The following SEMA6B variants were observed in gnomAD, a reference collection of about 807,000 sequenced individuals.
The protein encoded by SEMA6B is semaphorin 6B, also known as semaphorin-6B.
SEMA6B carries 47 observed loss-of-function variants against 78.6 expected under a neutral mutation model. The ratio of observed to expected loss-of-function variants is 0.60; its 90% CI spans 0.47 to 0.76. The LOEUF is 0.76. Among genes scored for constraint, SEMA6B ranks in the 30% least tolerant of loss-of-function variants. The pLI is 0.00. For missense variants in SEMA6B, 1,213 were observed against 1,269.9 expected, an observed-to-expected ratio of 0.96 and a Z score of 0.68; for synonymous variants, 632 against 592.2, an observed-to-expected ratio of 1.07 and a Z score of -0.98.
intron 5 of SEMA6B, 89 bp downstream of exon 5, chr19:4,556,862 G>A (rs1221261173): frequency 3.2e-6 from 4 of 1,242,826 alleles, no homozygotes. Flanking sequence ...GGGCTGGCGG[G>A]GTGGGCGTGG....
intron 3 of SEMA6B, 136 bp downstream of exon 3, chr19:4,557,890 C>T: frequency 1.3e-6 from 1 of 772,472 alleles, no homozygotes; most frequent in Non-Finnish European, 1.8e-6. Context: ...TCCTCCGGGT[C>T]AAAGCCTAAG....
In SEMA6B at chr19:4,550,950, G is replaced by A. The variant is rs754150074; in HGVS notation, c.990-20C>T. 1 of 1,612,938 alleles carries A rather than the reference G, an allele frequency of 6.2e-7. No homozygotes were observed. Among genetic ancestry groups the A allele is most frequent in the Non-Finnish European group, 8.5e-7 (1 of 1,179,628 alleles). On this transcript the variant is annotated intron_variant, in intron 10 of 16. Coordinates refer to ENST00000586582, the MANE Select transcript of SEMA6B (RefSeq NM_032108.4). This position sits in a 1 kb window ranked among gnomAD's most constrained non-coding sequence, Gnocchi z 6.6. Reference sequence around the variant, plus strand: ...GGGATGCTGAGGGGTTGGGATGAAAGAGTTTGGTGAGCCCGGTGGGAGGCC... The same window carrying A: ...GGGATGCTGAGGGGTTGGGATGAAAAAGTTTGGTGAGCCCGGTGGGAGGCC...
At position 4,543,592 on chromosome 19, in the gene SEMA6B, G is replaced by C; in HGVS notation, c.*9C>G. On this transcript the variant is annotated 3_prime_UTR_variant, in exon 17 of 17. Transcript: ENST00000586582. ...GCTGGCACTGCCAAGGCATCGGGGG[G>C]CCCCCGGCCTAGGGCACGGGGGGCG... 8.2e-7 allele frequency: 1 copy of C among 1,217,202 alleles called. No individual in the cohort carries two copies. Among genetic ancestry groups the C allele is most frequent in the Non-Finnish European group, 1.0e-6 (1 of 971,442 alleles). 75.4% of individuals were successfully genotyped at this position (1,217,202 alleles called of 1,614,324 possible).
chr19:4,542,903 G>A lies in SEMA6B; in HGVS notation c.*698C>T, dbSNP rs1406389675. ...CATTGTCCCCGCTTCCCTCTGCAGA[G>A]TGGGGGGGGTTCAAACTCCTAACCG... On this transcript the variant is annotated 3_prime_UTR_variant, in exon 17 of 17. Transcript: ENST00000586582. 3 of 698,794 alleles carry A rather than the reference G, an allele frequency of 4.3e-6. No individual in the cohort carries two copies. The Admixed American group carries it at 6.0e-5, about 14-fold the overall frequency. 43.3% of individuals were successfully genotyped at this position (698,794 alleles called of 1,614,324 possible). A position where few individuals can be genotyped will look rare whatever the true frequency, so the allele number is the denominator to read the frequency against.
At position 4,544,629 on chromosome 19, in the gene SEMA6B, AT is replaced by A. The variant is rs932717434; in HGVS notation, c.1739-101del. 48 of 606,890 alleles carry A rather than the reference AT, an allele frequency of 7.9e-5. No homozygotes were observed. Among genetic ancestry groups the A allele is most frequent in the Non-Finnish European group, 1.1e-4 (46 of 414,066 alleles). The allele number at this position is 606,890 out of a possible 1,614,324, so 37.6% of individuals were successfully genotyped here. A position where few individuals can be genotyped will look rare whatever the true frequency, so the allele number is the denominator to read the frequency against. ...CTCTGTCCTCTTTTTTATTATTTTT[AT>A]TTTTTTTTATTTATTTATTTTTTGA... is the stretch of plus-strand genomic sequence containing the variant. On this transcript the variant is annotated intron_variant, in intron 16 of 16. Coordinates refer to ENST00000586582, the MANE Select transcript of SEMA6B (RefSeq NM_032108.4). The surrounding 1 kb of genome is among the most constrained non-coding windows in gnomAD (Gnocchi z 5.1).
At chr19:4,553,492 ATGGG>A (rs1249076968) in intron 9 of SEMA6B, among the ~76,000 whole-genome samples, 15 of 145,606 alleles carry the variant, frequency 1.0e-4, no homozygotes, top group Non-Finnish European at 2.1e-4. Context: ...GGATGGATGG[ATGGG>A]TGTGTGGGTG....
In SEMA6B at chr19:4,548,294, G is replaced by A. The variant is rs1459721626; in HGVS notation, c.1423C>T (p.Leu475=). 1.2e-6 allele frequency: 2 copies of A among 1,613,680 alleles called. No individual in the cohort carries two copies. Among genetic ancestry groups the A allele is most frequent in the South Asian group, 2.2e-5 (2 of 91,080 alleles). The part of the protein sequence containing the change: ...TSGTSGLSVF[L]EEFETYRPDR... ...GGCCGGTAGGTCTCAAACTCCTCCA[G>A]GAAGACACTGAGCCCAGACGTCCCT... Residue 475 remains leucine, a synonymous_variant, in exon 13 of 17, where the codon CTG becomes TTG. Coordinates refer to ENST00000586582, the MANE Select transcript of SEMA6B (RefSeq NM_032108.4).
At position 4,543,234 on chromosome 19, in the gene SEMA6B, G is replaced by A. The variant is rs1027863843; in HGVS notation, c.*367C>T. On this transcript the variant is annotated 3_prime_UTR_variant, in exon 17 of 17. Transcript: ENST00000586582. ...CAGCTGTGGCCCCCCATTCCCCACC[G>A]GCGTCCAAGCCTCCCCTGCCTGCCG... 5.6e-6 allele frequency: 3 copies of A among 538,072 alleles called. No individual in the cohort carries two copies. The highest frequency in any genetic ancestry group is 3.0e-5 in the East Asian group (1 of 33,140). 33.3% of individuals were successfully genotyped at this position (538,072 alleles called of 1,614,324 possible).
In SEMA6B at chr19:4,544,458, C is replaced by T; in HGVS notation, c.1810G>A (p.Val604Met). 3 of 1,600,066 alleles carry T rather than the reference C, an allele frequency of 1.9e-6. No homozygotes were observed. Among genetic ancestry groups the T allele is most frequent in the Non-Finnish European group, 1.7e-6 (2 of 1,174,212 alleles). The change falls in exon 17 of 17, where the codon GTG becomes ATG. Residue 604 changes from valine to methionine, a missense_variant. Val to Met is a conservative substitution (Grantham distance 21, BLOSUM62 1). Coordinates refer to ENST00000586582, the MANE Select transcript of SEMA6B (RefSeq NM_032108.4). This position sits in a 1 kb window ranked among gnomAD's most constrained non-coding sequence, Gnocchi z 5.1. ...ACGGCTCCCACCACGAAGGCCGCCA[C>T]CGACGACGTTACCAGCAGGTTCACC... ...VSVNLLVTSS[V>M]AAFVVGAVVS...
intron 10 of SEMA6B, among the ~76,000 whole-genome samples, chr19:4,551,220 CTT>C (rs550058306): frequency 3.8e-4 from 50 of 132,836 alleles, no homozygotes; most frequent in Admixed American, 4.6e-4. Context: ...CCCCAGCAGG[CTT>C]TTTTTTTTTT....
chr19:4,555,787 C>T lies in SEMA6B; in HGVS notation c.471+201G>A, dbSNP rs559910945. Among the ~76,000 whole-genome samples the T allele has an allele frequency of 7.3e-4, 111 of 152,294 alleles. No homozygotes were observed. Among genetic ancestry groups the T allele is most frequent in the African/African-American group, 2.5e-3 (104 of 41,558 alleles). On this transcript the variant is annotated intron_variant, in intron 6 of 16. Transcript: ENST00000586582. This position sits in a 1 kb window ranked among gnomAD's most constrained non-coding sequence, Gnocchi z 6.1. ...AACTGGCTCATTACCTAAGTAGCTA[C>T]GGCTTCCCCGGCCCCCTGTACAGGC...
chr19:4,546,022 T>G (rs1052788526), intron 16 of SEMA6B, 194 bp downstream of exon 16: 1 of 497,934 alleles, frequency 2.0e-6, no homozygotes, highest in Non-Finnish European at 3.6e-6. Flanking sequence ...CCACCCACCT[T>G]GGCCTCCCAA....
At position 4,548,342 on chromosome 19, in the gene SEMA6B, C is replaced by G. The variant is rs781296690; in HGVS notation, c.1375G>C (p.Val459Leu). The change falls in exon 13 of 17, where the codon GTC (valine) becomes CTC (leucine). Residue 459 changes from valine (V) to leucine (L), a missense_variant. Val to Leu is a conservative substitution (Grantham distance 32). Transcript: ENST00000586582. ...SEAGTVLKFL[V>L]RPNASTSGTS... ...CCTGAGGTGCTGGCATTGGGCCGGACGAGGAACTTGAGGACCGTCCCCGCC... is the reference window on the plus strand; with the variant it reads ...CCTGAGGTGCTGGCATTGGGCCGGAGGAGGAACTTGAGGACCGTCCCCGCC... 1.9e-6 allele frequency: 3 copies of G among 1,613,758 alleles called. No individual in the cohort carries two copies. Among genetic ancestry groups the G allele is most frequent in the African/African-American group, 1.3e-5 (1 of 74,914 alleles).
rs775822320 is a variant in SEMA6B at position 4,550,142 on chromosome 19, T to C, written c.1252A>G (p.Ile418Val). ...ACCGACCTCATCAGGGTCCGCAGGA[T>C]CCAGGGCGCATGGCCCAGCGAGGGC... ...AVPSLGHAPW[I>V]LRTLMRHQLT... The change falls in exon 12 of 17, where the codon ATC (isoleucine) becomes GTC (valine). Residue 418 changes from isoleucine (I) to valine (V), a missense_variant. Physicochemically the swap from Ile to Val is conservative, Grantham distance 29. Transcript: ENST00000586582. The surrounding 1 kb of genome is among the most constrained non-coding windows in gnomAD (Gnocchi z 6.6). The C allele has an allele frequency of 1.2e-6, 2 of 1,613,716 alleles. No individual in the cohort carries two copies. The highest frequency in any genetic ancestry group is 2.2e-5 in the South Asian group (2 of 91,080).
In SEMA6B at chr19:4,544,048, G is replaced by A; in HGVS notation, c.2220C>T (p.Pro740=). The A allele has an allele frequency of 8.2e-7, 1 of 1,223,748 alleles. No homozygotes were observed. The allele number at this position is 1,223,748 out of a possible 1,614,324, so 75.8% of individuals were successfully genotyped here. The change falls in exon 17 of 17, where the codon CCC becomes CCT. Residue 740 remains proline (P), a synonymous_variant. Coordinates refer to ENST00000586582, the MANE Select transcript of SEMA6B (RefSeq NM_032108.4). The surrounding 1 kb of genome is among the most constrained non-coding windows in gnomAD (Gnocchi z 5.1). ...LGPRAWDHGH[P]LLPASASSSL... is the part of the protein sequence containing the mutation. ...AGGATGAAGCGGAGGCCGGGAGCAG[G>A]GGGTGGCCGTGGTCCCAGGCGCGGG...
At position 4,546,401 on chromosome 19, in the gene SEMA6B, G is replaced by T; in HGVS notation, c.1670C>A (p.Pro557Gln). ...APDGSCIFLS[P>Q]GTRAAFEQDV... ...CCCTCTCCCGCAGTACCTGGTGCCCGGGCTGAGGAAGATGCAGGAGCCGTC... is the reference window on the plus strand; with the variant it reads ...CCCTCTCCCGCAGTACCTGGTGCCCTGGCTGAGGAAGATGCAGGAGCCGTC... The change falls in exon 15 of 17, where the codon CCG becomes CAG. Residue 557 changes from proline to glutamine, a missense_variant. By Grantham distance (76) the Pro-to-Gln change is moderately conservative (BLOSUM62 -1). Coordinates refer to ENST00000586582, the MANE Select transcript of SEMA6B (RefSeq NM_032108.4). 1 of 1,584,200 alleles carries T rather than the reference G, an allele frequency of 6.3e-7. No homozygotes were observed. Among genetic ancestry groups the T allele is most frequent in the Admixed American group, 1.8e-5 (1 of 56,176 alleles).
At chr19:4,549,073 G>A (rs1977248213) in intron 12 of SEMA6B, among the ~76,000 whole-genome samples, 1 of 152,048 alleles carries the variant, frequency 6.6e-6, no homozygotes, top group Non-Finnish European at 1.5e-5. Flanking sequence ...TGATCCTCCC[G>A]TCTTAGCCTC....
chr19:4,555,596 C>A lies in SEMA6B; in HGVS notation c.472-32G>T. ...GGACCATGGGGCCTGAGTGACAGAT[C>A]TCCTGACCCCACCTAGCAGCCCCTG... On this transcript the variant is annotated intron_variant, in intron 6 of 16. Coordinates refer to ENST00000586582, the MANE Select transcript of SEMA6B (RefSeq NM_032108.4). This position sits in a 1 kb window ranked among gnomAD's most constrained non-coding sequence, Gnocchi z 6.1. 1 of 1,571,752 alleles carries A rather than the reference C, an allele frequency of 6.4e-7. No individual in the cohort carries two copies. Among genetic ancestry groups the A allele is most frequent in the Non-Finnish European group, 8.7e-7 (1 of 1,145,736 alleles).
At chr19:4,551,070 T>A (rs1977319241) in intron 10 of SEMA6B, 140 bp from the exon 11 acceptor site, 1 of 939,408 alleles carries the variant, frequency 1.1e-6, no homozygotes, top group Non-Finnish European at 1.6e-6. Context: ...CCCTCCCGCA[T>A]CTGTCGAATG....
Sources: allele counts gnomAD v4.1 joint callset (sites outside exome capture counted in the v4.1 genomes callset), GRCh38; gene constraint gnomAD v4.1.1; non-coding constraint Gnocchi (gnomAD v3.1); transcripts MANE v1.5; gene names NCBI Gene and HGNC (gene_info 2026-07-23, HGNC 2026-07-21).